The following ADAMTS15 variants were observed in gnomAD, a reference collection of about 807,000 sequenced individuals.
The protein encoded by ADAMTS15 is ADAM metallopeptidase with thrombospondin type 1 motif 15.
ADAMTS15 carries 35 observed loss-of-function variants against 79.1 expected under a neutral mutation model. That is an observed-to-expected ratio of 0.44 (90% CI 0.34 to 0.59). ADAMTS15 has a LOEUF of 0.59. ADAMTS15 is among the 20% of genes least tolerant of loss of function. The probability of loss-of-function intolerance (pLI) is 0.02; values close to 1 mark genes in which losing one functional copy is unlikely to be tolerated. For synonymous variants in ADAMTS15, 616 were observed against 567.3 expected (o/e 1.09, Z -1.22); for missense variants, 1,324 against 1,318.7 (o/e 1.00, Z -0.06).
chr11:130,470,177 T>TACAC, intron 5 of ADAMTS15, among the ~76,000 whole-genome samples: 1 of 60,808 alleles, frequency 1.6e-5, no homozygotes, highest in African/African-American at 1.1e-4. Flanking sequence ...TATATATATA[T>TACAC]ATATGTGTGT....
At chr11:130,454,781 C>G (rs1938039010) in intron 1 of ADAMTS15, among the ~76,000 whole-genome samples, 1 of 152,082 alleles carries the variant, frequency 6.6e-6, no homozygotes, top group Non-Finnish European at 1.5e-5. Flanking sequence ...AATGAGTTCA[C>G]CTGATATTAA....
rs758826755 is a variant in ADAMTS15 at position 130,470,964 on chromosome 11, G to A, written c.1765G>A (p.Gly589Ser). 15 of 1,613,754 alleles carry A rather than the reference G, an allele frequency of 9.3e-6. No homozygotes were observed. Among genetic ancestry groups the A allele is most frequent in the African/African-American group, 6.7e-5 (5 of 74,906 alleles). ...FREEQCEAFN[G>S]YNHSTNRLTL... ...GGAGGAGCAGTGTGAGGCTTTCAAC[G>A]GCTACAACCACAGCACCAACCGGCT... The change falls in exon 6 of 8, where the codon GGC (glycine) becomes AGC (serine). Residue 589 changes from glycine (G) to serine (S), a missense_variant. Coordinates refer to ENST00000299164, the MANE Select transcript of ADAMTS15 (RefSeq NM_139055.4).
At chr11:130,450,440 T>C (rs1317497243) in intron 1 of ADAMTS15, 3 of 985,300 alleles carry the variant, frequency 3.0e-6, no homozygotes, top group Non-Finnish European at 3.6e-6. Context: ...CCCCTCTCTG[T>C]ACTGGGCCTG....
chr11:130,473,169 A>C lies in ADAMTS15; in HGVS notation c.2201A>C (p.Lys734Thr). 6.2e-7 allele frequency: 1 copy of C among 1,614,110 alleles called. No homozygotes were observed. The highest frequency in any genetic ancestry group is 8.5e-7 in the Non-Finnish European group (1 of 1,180,044). Residue 734 changes from lysine to threonine, a missense_variant, in exon 8 of 8, where the codon AAG becomes ACG. Transcript: ENST00000299164. The part of the protein sequence containing the change: ...NYLALKNSQG[K>T]YLLNGHFVVS... ...CTGGCTCTGAAGAACAGCCAAGGCA[A>C]GTACCTGCTCAACGGGCATTTCGTG...
rs1363592850 is a variant in ADAMTS15 at position 130,449,988 on chromosome 11, C to T, written c.957+58C>T. 14 of 1,565,502 alleles carry T rather than the reference C, an allele frequency of 8.9e-6. No individual in the cohort carries two copies. The highest frequency in any genetic ancestry group is 1.2e-5 in the Non-Finnish European group (14 of 1,160,332). On this transcript the variant is annotated intron_variant, in intron 1 of 7. Coordinates refer to ENST00000299164, the MANE Select transcript of ADAMTS15 (RefSeq NM_139055.4). This position sits in a 1 kb window ranked among gnomAD's most constrained non-coding sequence, Gnocchi z 7.8. The stretch of plus-strand genomic sequence containing the variant: ...TAGTCCCGTTCTTTAGGGTCACCTC[C>T]CCTAGCGCTCCAAATCCCCTTTGTA...
chr11:130,470,203 T>TAC (rs1938420442), intron 5 of ADAMTS15, among the ~76,000 whole-genome samples: 40 of 62,572 alleles, frequency 6.4e-4, no homozygotes, highest in African/African-American at 2.9e-3. Context: ...TATATATATA[T>TAC]ATATATGTAT....
chr11:130,450,416 G>A (rs2134714660), intron 1 of ADAMTS15: 1 of 985,424 alleles, frequency 1.0e-6, no homozygotes. Flanking sequence ...CATTTCTCTC[G>A]GGTAACACGT....
intron 1 of ADAMTS15, 32 bp from the exon 2 acceptor site, chr11:130,461,457 G>C: frequency 6.2e-7 from 1 of 1,613,554 alleles, no homozygotes. Flanking sequence ...CTCTAACTTC[G>C]GGCTGGCTTC....
At chr11:130,451,790 G>A (rs1016647353) in intron 1 of ADAMTS15, among the ~76,000 whole-genome samples, 16 of 152,246 alleles carry the variant, frequency 1.1e-4, no homozygotes, top group African/African-American at 3.4e-4. Flanking sequence ...GAAGGAGGCC[G>A]CCTTTTGAAG....
rs1938219704 is a variant in ADAMTS15, at chr11:130,462,380, C to G, written c.1259-117C>G. On this transcript the variant is annotated intron_variant, in intron 3 of 7. Coordinates refer to ENST00000299164, the MANE Select transcript of ADAMTS15 (RefSeq NM_139055.4). The surrounding 1 kb of genome is among the most constrained non-coding windows in gnomAD (Gnocchi z 4.3). ...GTGTGTGCCCCCTCGGAGCCGGGCT[C>G]TGACATGAGTGCATTCCTGTTGCCC... 1.3e-6 allele frequency: 2 copies of G among 1,490,828 alleles called. No homozygotes were observed. Among genetic ancestry groups the G allele is most frequent in the South Asian group, 2.6e-5 (2 of 75,624 alleles). 92.3% of individuals were successfully genotyped at this position (1,490,828 alleles called of 1,614,324 possible).
chr11:130,449,420 C>T lies in ADAMTS15; in HGVS notation c.447C>T (p.Arg149=), dbSNP rs201226379. ...LPNASAPAAQ[R]NSQGAHLLQR... ...ATGCTAGCGCGCCGGCGGCGCAGCG[C>T]AACAGCCAGGGCGCACACCTTCTCC... Residue 149 remains arginine (R), a synonymous_variant, in exon 1 of 8, where the codon CGC becomes CGT. Transcript: ENST00000299164. This position sits in a 1 kb window ranked among gnomAD's most constrained non-coding sequence, Gnocchi z 7.8. The T allele has an allele frequency of 1.8e-4, 290 of 1,596,572 alleles. No homozygotes were observed. The highest frequency in any genetic ancestry group is 2.4e-4 in the Non-Finnish European group (284 of 1,176,434).
intron 4 of ADAMTS15, among the ~76,000 whole-genome samples, chr11:130,465,573 A>G (rs1481274689): frequency 1.3e-5 from 2 of 152,156 alleles, no homozygotes; most frequent in Non-Finnish European, 2.9e-5. Flanking sequence ...CTCCAATTCC[A>G]TCTTCCCACT....
At chr11:130,470,133 C>CATATATATATATATATGTGTAT (rs1686071441) in intron 5 of ADAMTS15, among the ~76,000 whole-genome samples, 2 of 74,794 alleles carry the variant, frequency 2.7e-5, no homozygotes, top group East Asian at 4.3e-4. Context: ...TATATATATA[C>CATATATATATATATATGTGTAT]ATATATATAT....
At chr11:130,454,615 A>T (rs1295649766) in intron 1 of ADAMTS15, among the ~76,000 whole-genome samples, 1 of 152,192 alleles carries the variant, frequency 6.6e-6, no homozygotes, top group African/African-American at 2.4e-5. Context: ...TGGTAGATTG[A>T]GTATTTAATA....
In ADAMTS15 at chr11:130,462,850, C is replaced by T; in HGVS notation, c.1542+70C>T. ...GATGGAGACCCGGGGGCCTCGTCTG[C>T]CCTTGGTCTTCACCAGGAAGGTGCC... On this transcript the variant is annotated intron_variant, in intron 4 of 7. Transcript: ENST00000299164. This position sits in a 1 kb window ranked among gnomAD's most constrained non-coding sequence, Gnocchi z 4.3. 6.6e-7 allele frequency: 1 copy of T among 1,525,692 alleles called. No homozygotes were observed. Among genetic ancestry groups the T allele is most frequent in the Non-Finnish European group, 8.8e-7 (1 of 1,133,338 alleles). 94.5% of individuals were successfully genotyped at this position (1,525,692 alleles called of 1,614,324 possible).
chr11:130,450,458 T>G (rs1231371908), intron 1 of ADAMTS15: 1 of 984,110 alleles, frequency 1.0e-6, no homozygotes, highest in African/African-American at 1.7e-5. Flanking sequence ...CTGGAAAGCC[T>G]GGATTGGGGT....
chr11:130,450,438 T>C (rs1239829692), intron 1 of ADAMTS15: 7 of 985,310 alleles, frequency 7.1e-6, no homozygotes, highest in Non-Finnish European at 7.2e-6. Context: ...GTCCCCTCTC[T>C]GTACTGGGCC....
In ADAMTS15 at chr11:130,449,369, C is replaced by G. The variant is rs769119926; in HGVS notation, c.396C>G (p.Ala132=). The part of the protein sequence containing the change: ...GLRGAFGYRG[A]EYVISPLPNA... ...GCGGAGCCTTTGGCTACCGAGGCGC[C>G]GAGTATGTCATTAGCCCGCTGCCCA... is the stretch of plus-strand genomic sequence containing the variant. Residue 132 remains alanine (A), a synonymous_variant, in exon 1 of 8, where the codon GCC becomes GCG. Transcript: ENST00000299164. This position sits in a 1 kb window ranked among gnomAD's most constrained non-coding sequence, Gnocchi z 7.8. 1.6e-5 allele frequency: 26 copies of G among 1,605,144 alleles called. No individual in the cohort carries two copies. The Admixed American group carries it at 2.2e-4, about 13-fold the overall frequency.
chr11:130,466,574 T>G (rs926734422), intron 4 of ADAMTS15, among the ~76,000 whole-genome samples: 3 of 152,152 alleles, frequency 2.0e-5, no homozygotes, highest in African/African-American at 4.8e-5. Context: ...TTCTCACCAC[T>G]TCATCTGCTC....
Sources: allele counts gnomAD v4.1 joint callset (sites outside exome capture counted in the v4.1 genomes callset), GRCh38; gene constraint gnomAD v4.1.1; non-coding constraint Gnocchi (gnomAD v3.1); transcripts MANE v1.5; gene names NCBI Gene and HGNC (gene_info 2026-07-23, HGNC 2026-07-21).